Variants in ASXL2 observed in about 807,000 individuals in gnomAD.
ASXL2 encodes ASXL transcriptional regulator 2.
A neutral mutation model predicts 122.0 loss-of-function variants in ASXL2; 23 were observed. The observed-to-expected ratio is 0.19, with a 90% CI of 0.14 to 0.27. The LOEUF is 0.27. ASXL2 is among the 10% of genes least tolerant of loss of function. ASXL2 has a pLI of 1.00. For synonymous variants in ASXL2, 650 were observed against 637.0 expected (o/e 1.02, Z -0.31); for missense variants, 1,518 against 1,713.8 (o/e 0.89, Z 2.02).
rs199812861 is a variant in ASXL2 at position 25,744,407 on chromosome 2, C to A, written c.1930G>T (p.Val644Phe). The A allele has an allele frequency of 1.1e-4, 172 of 1,613,626 alleles. No individual in the cohort carries two copies. In the African/African-American group the frequency reaches 1.9e-3, roughly 18 times the overall value. ...GTTCTGTTAGGACTAGTGATGGAGACTGGAAAACGAGCCCTGGGAGAGACC... is the reference window on the plus strand; with the variant it reads ...GTTCTGTTAGGACTAGTGATGGAGAATGGAAAACGAGCCCTGGGAGAGACC... ...SQVSPRARFP[V>F]SITSPNRTGA... is the part of the protein sequence containing the mutation. Residue 644 changes from valine (V) to phenylalanine (F), a missense_variant, in exon 13 of 13, where the codon GTC becomes TTC. Transcript: ENST00000435504. This position sits in a 1 kb window ranked among gnomAD's most constrained non-coding sequence, Gnocchi z 4.7.
At chr2:25,805,046 A>AAAAG (rs574199155) in intron 4 of ASXL2, among the ~76,000 whole-genome samples, 8 of 152,048 alleles carry the variant, frequency 5.3e-5, no homozygotes, top group African/African-American at 9.7e-5. Flanking sequence ...CGAGACTGTC[A>AAAAG]AAAGAAAGAA....
chr2:25,741,861 T>C lies in ASXL2; in HGVS notation c.*168A>G, dbSNP rs2087832775. On this transcript the variant is annotated 3_prime_UTR_variant, in exon 13 of 13. Coordinates refer to ENST00000435504, the MANE Select transcript of ASXL2 (RefSeq NM_018263.6). Reference sequence around the variant, plus strand: ...GACTTACTATACAAGGTGCTCTTCCTCTAAAATGTAAAAAATCTGTACTTT... The same window carrying C: ...GACTTACTATACAAGGTGCTCTTCCCCTAAAATGTAAAAAATCTGTACTTT... 1.5e-6 allele frequency: 1 copy of C among 661,356 alleles called. No homozygotes were observed. Among genetic ancestry groups the C allele is most frequent in the South Asian group, 2.3e-5 (1 of 44,078 alleles). 41.0% of individuals were successfully genotyped at this position (661,356 alleles called of 1,614,324 possible).
At chr2:25,765,211 G>T (rs540469635) in intron 8 of ASXL2, among the ~76,000 whole-genome samples, 5 of 152,018 alleles carry the variant, frequency 3.3e-5, no homozygotes, top group South Asian at 2.1e-4. Flanking sequence ...TGTGGCTGGG[G>T]GCGGTGGCTC....
At chr2:25,756,712 T>C (rs1264977225) in intron 9 of ASXL2, among the ~76,000 whole-genome samples, 1 of 152,204 alleles carries the variant, frequency 6.6e-6, no homozygotes, top group Non-Finnish European at 1.5e-5. Context: ...TTGCAGGCCA[T>C]ATGGCTTGAT....
At chr2:25,782,748 A>C (rs1328852389) in intron 5 of ASXL2, among the ~76,000 whole-genome samples, 1 of 152,132 alleles carries the variant, frequency 6.6e-6, no homozygotes, top group East Asian at 1.9e-4. Context: ...TTATTCAAAG[A>C]CCTTTTCAGC....
chr2:25,832,423 A>C (rs1368178913), intron 3 of ASXL2, among the ~76,000 whole-genome samples: 4 of 152,240 alleles, frequency 2.6e-5, no homozygotes, highest in Non-Finnish European at 5.9e-5. Context: ...ATGATCCATG[A>C]GGAAGTCAAG....
chr2:25,838,842 G>A (rs893504296), intron 2 of ASXL2, among the ~76,000 whole-genome samples: 4 of 152,148 alleles, frequency 2.6e-5, no homozygotes, highest in African/African-American at 7.2e-5. Context: ...GAAGTATACC[G>A]TCAAAATGTA....
At chr2:25,752,730 C>A (rs1303270222) in intron 11 of ASXL2, among the ~76,000 whole-genome samples, 1 of 151,746 alleles carries the variant, frequency 6.6e-6, no homozygotes, top group Non-Finnish European at 1.5e-5. Context: ...GCCTGTAATC[C>A]CAGCTACTCA....
At chr2:25,873,421 A>G (rs1225505314) in intron 1 of ASXL2, among the ~76,000 whole-genome samples, 1 of 152,030 alleles carries the variant, frequency 6.6e-6, no homozygotes, top group African/African-American at 2.4e-5. Flanking sequence ...AAAAATAATA[A>G]TATTTCCATT....
intron 1 of ASXL2, among the ~76,000 whole-genome samples, chr2:25,859,110 T>TG (rs1444447220): frequency 6.6e-6 from 1 of 151,974 alleles, no homozygotes; most frequent in Non-Finnish European, 1.5e-5. Flanking sequence ...CCACCACGCC[T>TG]GGCCTTTTCT....
At chr2:25,753,182 C>G (rs1026086285) in intron 11 of ASXL2, among the ~76,000 whole-genome samples, 1 of 150,536 alleles carries the variant, frequency 6.6e-6, no homozygotes, top group Non-Finnish European at 1.5e-5. Flanking sequence ...GTTGGTCAGG[C>G]TGGTCTCGAA....
chr2:25,781,398 AAAAAG>A (rs565700551), intron 5 of ASXL2, among the ~76,000 whole-genome samples: 109 of 152,116 alleles, frequency 7.2e-4, no homozygotes, highest in Admixed American at 5.0e-3. Flanking sequence ...AAACTGTCTC[AAAAAG>A]AAAAGAAAAG....
At chr2:25,788,181 T>C (rs927073980) in intron 5 of ASXL2, among the ~76,000 whole-genome samples, 1 of 152,204 alleles carries the variant, frequency 6.6e-6, no homozygotes, top group African/African-American at 2.4e-5. Flanking sequence ...AGGAATAAAA[T>C]GATGATCCTC....
At chr2:25,858,654 C>T (rs375288473) in intron 1 of ASXL2, among the ~76,000 whole-genome samples, 5 of 149,212 alleles carry the variant, frequency 3.4e-5, no homozygotes, top group East Asian at 4.1e-4. Context: ...ACCCAGGAGG[C>T]GGAGGCTGCA....
At chr2:25,856,746 A>G in intron 1 of ASXL2, 1 of 1,311,520 alleles carries the variant, frequency 7.6e-7, no homozygotes, top group South Asian at 1.2e-5. Context: ...GACCTTCAGC[A>G]GCAGACAGCT....
Position 25,741,992 on chromosome 2 carries a change from T to C in ASXL2, c.*37A>G. ...AAAACCCAACTGGTCAACCCTTCCC[T>C]TCCCCCTCCTTTACAGTGTATCTCT... On this transcript the variant is annotated 3_prime_UTR_variant, in exon 13 of 13. Transcript: ENST00000435504. The C allele has an allele frequency of 3.2e-6, 5 of 1,562,114 alleles. No individual in the cohort carries two copies. The highest frequency in any genetic ancestry group is 4.4e-6 in the Non-Finnish European group (5 of 1,148,568).
At chr2:25,848,576 T>C (rs953649801) in intron 1 of ASXL2, among the ~76,000 whole-genome samples, 3 of 151,588 alleles carry the variant, frequency 2.0e-5, no homozygotes, top group Non-Finnish European at 4.4e-5. Context: ...TGAGCCGAGA[T>C]TGGGCCACTG....
chr2:25,778,799 A>G (rs1291009660), intron 5 of ASXL2, among the ~76,000 whole-genome samples: 2 of 152,180 alleles, frequency 1.3e-5, no homozygotes, highest in East Asian at 1.9e-4. Context: ...CAAATCTTAC[A>G]TAACTTTTGG....
At chr2:25,771,296 A>G in intron 6 of ASXL2, 144 bp downstream of exon 6, 4 of 633,408 alleles carry the variant, frequency 6.3e-6, no homozygotes, top group Non-Finnish European at 1.1e-5. Flanking sequence ...ATAAATTACT[A>G]AAACCACATT....
Sources: allele counts gnomAD v4.1 joint callset (sites outside exome capture counted in the v4.1 genomes callset), GRCh38; gene constraint gnomAD v4.1.1; non-coding constraint Gnocchi (gnomAD v3.1); transcripts MANE v1.5; gene names NCBI Gene and HGNC (gene_info 2026-07-23, HGNC 2026-07-21).